Variants in AGBL1 observed in about 807,000 individuals in gnomAD.
AGBL1 encodes the protein cytosolic carboxypeptidase 4.
A neutral mutation model predicts 118.9 loss-of-function variants in AGBL1; 130 were observed. That is an observed-to-expected ratio of 1.09 (90% CI 0.95 to 1.26). AGBL1 has a LOEUF of 1.26. Ranked by LOEUF, AGBL1 falls within the 50% of genes most tolerant of loss-of-function variation. The pLI is 0.00. For synonymous variants in AGBL1, 555 were observed against 478.9 expected (o/e 1.16, Z -2.08); for missense variants, 1,584 against 1,298.1 (o/e 1.22, Z -3.38).
chr15:86,277,296 G>A (rs995704748), intron 15 of AGBL1, among the ~76,000 whole-genome samples: 9 of 122,498 alleles, frequency 7.3e-5, no homozygotes, highest in African/African-American at 3.3e-4. Flanking sequence ...GAGAGTGTGT[G>A]TGTGTGCATG....
chr15:86,097,247 A>G (rs1434649120), intron 1 of AGBL1, among the ~76,000 whole-genome samples: 1 of 152,182 alleles, frequency 6.6e-6, no homozygotes, highest in African/African-American at 2.4e-5. Flanking sequence ...CATATATAGA[A>G]TGTGGAACGA....
rs74025020 is a variant in AGBL1, at chr15:86,212,991, T to C, written c.489-11923T>C. Among the ~76,000 whole-genome samples the C allele has an allele frequency of 9.0e-3, 1,375 of 152,308 alleles. 19 individuals are homozygous for C. The highest frequency in any genetic ancestry group is 0.032 in the African/African-American group (1,321 of 41,562). On this transcript the variant is annotated intron_variant, in intron 5 of 22. Coordinates refer to ENST00000614907, the MANE Select transcript of AGBL1 (RefSeq NM_001386094.1). ...TCTTCCCATATCATCTGAGTTTTAA[T>C]GACGATCTTAATTTCTAAACACTAC...
intron 21 of AGBL1, among the ~76,000 whole-genome samples, chr15:86,651,782 T>C (rs1164541306): frequency 6.6e-6 from 1 of 152,190 alleles, no homozygotes; most frequent in African/African-American, 2.4e-5. Context: ...ACGTTAACTC[T>C]TAACACTGAG....
chr15:86,468,464 G>T (rs150745513), intron 18 of AGBL1, among the ~76,000 whole-genome samples: 204 of 152,258 alleles, frequency 1.3e-3, no homozygotes, highest in African/African-American at 4.8e-3. Context: ...CCCTCATTTT[G>T]ATTCAGGCTA....
intron 22 of AGBL1, among the ~76,000 whole-genome samples, chr15:86,697,847 G>T (rs184515875): frequency 4.4e-4 from 67 of 151,960 alleles, no homozygotes; most frequent in South Asian, 4.4e-3. Flanking sequence ...TGTAGTAATT[G>T]TTATTTCTCT....
At chr15:86,721,414 A>G (rs1304804770) in intron 22 of AGBL1, among the ~76,000 whole-genome samples, 6 of 152,320 alleles carry the variant, frequency 3.9e-5, no homozygotes, top group South Asian at 4.1e-4. Flanking sequence ...GATTATCTCA[A>G]TAGATGCAGA....
chr15:86,617,402 C>G (rs2084745033), intron 21 of AGBL1, among the ~76,000 whole-genome samples: 3 of 152,116 alleles, frequency 2.0e-5, no homozygotes, highest in Admixed American at 6.6e-5. Context: ...AGAAATGATG[C>G]CTCTGACTAA....
intron 22 of AGBL1, among the ~76,000 whole-genome samples, chr15:86,888,668 C>A (rs188285226): frequency 2.6e-4 from 39 of 152,202 alleles, no homozygotes; most frequent in Admixed American, 5.9e-4. Flanking sequence ...TGGACATTTT[C>A]CATCTGTTGC....
intron 22 of AGBL1, among the ~76,000 whole-genome samples, chr15:86,876,381 T>C (rs1256800607): frequency 7.3e-5 from 11 of 151,680 alleles, no homozygotes; most frequent in Non-Finnish European, 4.4e-5. Flanking sequence ...ATGGAGGGCA[T>C]TCAGAATTGG....
At chr15:86,259,578 C>T (rs1030087636) in intron 9 of AGBL1, among the ~76,000 whole-genome samples, 1 of 152,186 alleles carries the variant, frequency 6.6e-6, no homozygotes, top group Non-Finnish European at 1.5e-5. Flanking sequence ...AGCAGACATA[C>T]AGGGACTACC....
intron 21 of AGBL1, among the ~76,000 whole-genome samples, chr15:86,585,327 C>T (rs1241257547): frequency 1.3e-5 from 2 of 151,926 alleles, no homozygotes; most frequent in Non-Finnish European, 2.9e-5. Context: ...AAAAAAGGAG[C>T]GAAGGTAAAA....
intron 18 of AGBL1, among the ~76,000 whole-genome samples, chr15:86,462,238 C>A (rs915164535): frequency 1.3e-5 from 2 of 151,912 alleles, no homozygotes; most frequent in Non-Finnish European, 2.9e-5. Context: ...TTGAGATAAC[C>A]ATGTATTGTA....
chr15:86,992,308 C>T (rs2081342845), intron 24 of AGBL1, among the ~76,000 whole-genome samples: 1 of 152,068 alleles, frequency 6.6e-6, no homozygotes, highest in Non-Finnish European at 1.5e-5. Context: ...GGCCTCGGCT[C>T]CAACAATGGG....
intron 22 of AGBL1, among the ~76,000 whole-genome samples, chr15:86,747,484 C>A (rs936186170): frequency 2.6e-5 from 4 of 151,944 alleles, no homozygotes; most frequent in African/African-American, 9.7e-5. Flanking sequence ...TAATTCTTTT[C>A]TTTTATTATT....
chr15:86,268,564 G>T (rs1193620005), intron 13 of AGBL1, among the ~76,000 whole-genome samples: 1 of 152,152 alleles, frequency 6.6e-6, no homozygotes, highest in Admixed American at 6.5e-5. Flanking sequence ...TATGGTCAGG[G>T]TAATAGAGTC....
chr15:86,227,157 A>G (rs1037933173), intron 6 of AGBL1, among the ~76,000 whole-genome samples: 11 of 152,242 alleles, frequency 7.2e-5, no homozygotes, highest in Non-Finnish European at 1.3e-4. Context: ...CATAGAACCA[A>G]TGATCTAAAC....
At chr15:86,296,036 A>G (rs2079631360) in intron 17 of AGBL1, 1 of 152,604 alleles carries the variant, frequency 6.6e-6, no homozygotes, top group Non-Finnish European at 1.5e-5. Context: ...CTAGACGTGT[A>G]TACATGTGTA....
intron 1 of AGBL1, among the ~76,000 whole-genome samples, chr15:86,099,117 C>T (rs1463798137): frequency 6.6e-6 from 1 of 152,044 alleles, no homozygotes; most frequent in African/African-American, 2.4e-5. Context: ...TAAATGCCTA[C>T]TTCAAAAAAG....
intron 18 of AGBL1, among the ~76,000 whole-genome samples, chr15:86,480,336 G>A (rs2435953): frequency 0.68 from 103,885 of 151,874 alleles, 36,722 homozygotes; most frequent in African/African-American, 0.82. Context: ...TACTGTAAAT[G>A]TACACAATTT....
Sources: allele counts gnomAD v4.1 joint callset (sites outside exome capture counted in the v4.1 genomes callset), GRCh38; gene constraint gnomAD v4.1.1; transcripts MANE v1.5; gene names NCBI Gene and HGNC (gene_info 2026-07-23, HGNC 2026-07-21).